The following DSC2 variants were observed in gnomAD, a reference collection of about 807,000 sequenced individuals.
DSC2 encodes desmocollin-2.
Under a neutral mutation model 87.6 loss-of-function variants are expected in DSC2, and 51 were observed. That is an observed-to-expected ratio of 0.58 (90% CI 0.46 to 0.74). The LOEUF (loss-of-function observed/expected upper bound fraction) is 0.74. Ranked by LOEUF, DSC2 falls within the 30% of genes least tolerant of loss-of-function variation. The pLI, the probability that DSC2 is intolerant of heterozygous loss-of-function variation, is 0.00. For synonymous variants in DSC2, 383 were observed against 393.2 expected, an observed-to-expected ratio of 0.97 and a Z score of 0.31; for missense variants, 1,066 against 1,089.5, an observed-to-expected ratio of 0.98 and a Z score of 0.30.
At chr18:31,088,869 A>C (rs2144836705) in intron 5 of DSC2, among the ~76,000 whole-genome samples, 1 of 152,194 alleles carries the variant, frequency 6.6e-6, no homozygotes, top group South Asian at 2.1e-4. Flanking sequence ...GTGCCAACTA[A>C]GTAACTGTTC....
chr18:31,087,699 T>G lies in DSC2; in HGVS notation c.745A>C (p.Thr249Pro), dbSNP rs149848359. The G allele has an allele frequency of 5.6e-6, 9 of 1,613,200 alleles. No homozygotes were observed. The highest frequency in any genetic ancestry group is 1.3e-5 in the African/African-American group (1 of 74,912). ...NYPIFTEETY[T>P]FTIFENCRVG... ...CTGCAATTTTCAAAAATTGTAAAAG[T>G]ATAAGTTTCTTCTGTAAAAATTGGG... Residue 249 changes from threonine to proline, a missense_variant, in exon 6 of 16, where the codon ACT becomes CCT. Thr to Pro is a conservative substitution (Grantham distance 38). Transcript: ENST00000280904.
At chr18:31,082,895 C>T (rs763421088) in intron 8 of DSC2, 31 bp downstream of exon 8, 5 of 1,609,718 alleles carry the variant, frequency 3.1e-6, no homozygotes, top group African/African-American at 1.3e-5. Flanking sequence ...CTGGTCTATA[C>T]ATTTTTCTTT....
intron 1 of DSC2, among the ~76,000 whole-genome samples, chr18:31,099,322 A>C (rs765547670): frequency 2.0e-5 from 3 of 152,154 alleles, no homozygotes; most frequent in Non-Finnish European, 4.4e-5. Flanking sequence ...AGAAGCAGAA[A>C]ATAGAATGGT....
rs768405529 is a variant in DSC2, at chr18:31,089,164, C to CA, written c.630+274dup. Among the ~76,000 whole-genome samples the CA allele has an allele frequency of 0.21, 21,091 of 102,724 alleles. 2,383 individuals carry two copies. Among genetic ancestry groups the CA allele is most frequent in the African/African-American group, 0.3 (7,349 of 24,430 alleles). The allele number at this position is 102,724 out of a possible 152,430, so 67.4% of individuals were successfully genotyped here. On this transcript the variant is annotated intron_variant, in intron 5 of 15. Coordinates refer to ENST00000280904, the MANE Select transcript of DSC2 (RefSeq NM_024422.6). ...TGGGTGGCAAAGTGAGATGCTGTCTCAAAAAAAAAAAAAAAAAAACTGTTC... is the reference window on the plus strand; with the variant it reads ...TGGGTGGCAAAGTGAGATGCTGTCTCAAAAAAAAAAAAAAAAAAAACTGTTC...
At position 31,101,935 on chromosome 18, in the gene DSC2, C is replaced by A; in HGVS notation, c.37G>T (p.Ala13Ser). The A allele has an allele frequency of 6.5e-7, 1 of 1,530,310 alleles. No individual in the cohort carries two copies. The highest frequency in any genetic ancestry group is 8.7e-7 in the Non-Finnish European group (1 of 1,143,896). The allele number at this position is 1,530,310 out of a possible 1,614,324, so 94.8% of individuals were successfully genotyped here. A position where few individuals can be genotyped will look rare whatever the true frequency, so the allele number is the denominator to read the frequency against. ...GTCAGCAGGAGCAGCCGGCAGAGGG[C>A]TCCGTTCCAGGAGCCGGAGGGGCGG... is the stretch of plus-strand genomic sequence containing the variant. ...AARPSGSWNG[A>S]LCRLLLLTLA... is the part of the protein sequence containing the mutation. Residue 13 changes from alanine to serine, a missense_variant, in exon 1 of 16, where the codon GCC (alanine) becomes TCC (serine). Transcript: ENST00000280904.
At chr18:31,086,448 C>A in intron 7 of DSC2, 128 bp downstream of exon 7, 2 of 1,145,138 alleles carry the variant, frequency 1.7e-6, no homozygotes, top group Non-Finnish European at 1.3e-6. Flanking sequence ...TCTCTATTAA[C>A]ATACATAAAA....
Position 31,093,578 on chromosome 18 carries a change from G to A in DSC2, c.135C>T (p.Ala45=), listed in dbSNP as rs749323567. ...VTLHVPSKLD[A]EKLVGRVNLK... ...CCTTACCTCTACCAACAAGTTTCTC[G>A]GCATCTAGTTTGGAGGGAACATGTA... is the stretch of plus-strand genomic sequence containing the variant. The change falls in exon 2 of 16, where the codon GCC becomes GCT. Residue 45 remains alanine (A), a synonymous_variant. Transcript: ENST00000280904. 156 of 1,604,980 alleles carry A rather than the reference G, an allele frequency of 9.7e-5. No individual in the cohort carries two copies. The highest frequency in any genetic ancestry group is 5.6e-4 in the East Asian group (25 of 44,522).
In DSC2 at chr18:31,065,695, A is replaced by ATT. The variant is rs1567969600; in HGVS notation, c.*2318_*2319dup. ...ACAGGGAGAATCTAAAATACACATAATTTTCATAGGGTGTTAGAATTAGTG... is the reference window on the plus strand; with the variant it reads ...ACAGGGAGAATCTAAAATACACATAATTTTTTCATAGGGTGTTAGAATTAGTG... On this transcript the variant is annotated 3_prime_UTR_variant, in exon 16 of 16. Transcript: ENST00000280904. 4 of 152,082 alleles carry ATT rather than the reference A, an allele frequency of 2.6e-5. No individual in the cohort carries two copies. 9.4% of individuals were successfully genotyped at this position (152,082 alleles called of 1,614,324 possible). A position where few individuals can be genotyped will look rare whatever the true frequency, so the allele number is the denominator to read the frequency against.
chr18:31,102,158 G>A lies in DSC2; in HGVS notation c.-187C>T, dbSNP rs562293556. 21 of 495,972 alleles carry A rather than the reference G, an allele frequency of 4.2e-5. No individual in the cohort carries two copies. Among genetic ancestry groups the A allele is most frequent in the Non-Finnish European group, 7.2e-5 (21 of 290,780 alleles). 30.7% of individuals were successfully genotyped at this position (495,972 alleles called of 1,614,324 possible). ...GAAGCGCCTGCCTCTCATCCAAGGG[G>A]CTTTTCCTTTGGCGGAGGGAGGGGC... On this transcript the variant is annotated 5_prime_UTR_variant, in exon 1 of 16. Coordinates refer to ENST00000280904, the MANE Select transcript of DSC2 (RefSeq NM_024422.6).
rs1987170615 is a variant in DSC2 at position 31,080,252 on chromosome 18, G to GT, written c.1363dup (p.Thr455AsnfsTer7). 1 of 1,614,050 alleles carries GT rather than the reference G, an allele frequency of 6.2e-7. No individual in the cohort carries two copies. Among genetic ancestry groups the GT allele is most frequent in the East Asian group, 2.2e-5 (1 of 44,858 alleles). On this transcript the variant is annotated frameshift_variant, in exon 10 of 16. Coordinates refer to ENST00000280904, the MANE Select transcript of DSC2 (RefSeq NM_024422.6). LOFTEE classifies it high-confidence loss of function. The stretch of plus-strand genomic sequence containing the variant: ...TTCTACATTAACAGTAACTGTTGCT[G>GT]TGCTCATGGCTGATCTTGGACTAGC...
chr18:31,070,677 T>C (rs777143396), intron 14 of DSC2, 49 bp downstream of exon 14: 2 of 1,610,586 alleles, frequency 1.2e-6, no homozygotes, highest in Non-Finnish European at 8.5e-7. Context: ...GAATACGCAT[T>C]ATAAGCGAAT....
chr18:31,101,221 C>T, intron 1 of DSC2: 2 of 985,350 alleles, frequency 2.0e-6, no homozygotes, highest in Non-Finnish European at 2.4e-6. Context: ...AAATGCTCAC[C>T]TAGGGCTCGC....
intron 4 of DSC2, among the ~76,000 whole-genome samples, chr18:31,090,188 A>G (rs1311793951): frequency 2.0e-5 from 3 of 152,216 alleles, no homozygotes; most frequent in Non-Finnish European, 4.4e-5. Context: ...TCATCCTCTC[A>G]GTAACATCCT....
intron 1 of DSC2, among the ~76,000 whole-genome samples, chr18:31,093,954 G>A (rs1987688643): frequency 6.6e-6 from 1 of 151,748 alleles, no homozygotes; most frequent in Non-Finnish European, 1.5e-5. Context: ...AATATATCAA[G>A]GAGAAGAATA....
rs537933692 is a variant in DSC2 at position 31,064,490 on chromosome 18, G to A, written c.*3525C>T. On this transcript the variant is annotated 3_prime_UTR_variant, in exon 16 of 16. Coordinates refer to ENST00000280904, the MANE Select transcript of DSC2 (RefSeq NM_024422.6). ...TTGGCAGTTTTTGGCAAAAAATAGA[G>A]GATGCTATGGAAAGAAGAGAGAGGA... The A allele has an allele frequency of 1.3e-5, 2 of 152,292 alleles. No individual in the cohort carries two copies. Among genetic ancestry groups the A allele is most frequent in the East Asian group, 3.9e-4 (2 of 5,174 alleles). The allele number at this position is 152,292 out of a possible 1,614,324, so 9.4% of individuals were successfully genotyped here. A position where few individuals can be genotyped will look rare whatever the true frequency, so the allele number is the denominator to read the frequency against.
Position 31,074,820 on chromosome 18 carries a change from A to T in DSC2, c.1751T>A (p.Ile584Asn). Residue 584 changes from isoleucine (I) to asparagine (N), a missense_variant, in exon 12 of 16, where the codon ATC becomes AAC. By Grantham distance (149) the Ile-to-Asn change is moderately radical (BLOSUM62 -3). Coordinates refer to ENST00000280904, the MANE Select transcript of DSC2 (RefSeq NM_024422.6). ...SPFIPKKTVI[I>N]CKPTMSSAEI... ...CGCAGATGACATGGTGGGTTTGCAG[A>T]TGATCACTGTCTTTTTAGGTATGAA... 6.2e-7 allele frequency: 1 copy of T among 1,614,008 alleles called. No individual in the cohort carries two copies. The highest frequency in any genetic ancestry group is 2.2e-5 in the East Asian group (1 of 44,824).
At position 31,064,989 on chromosome 18, in the gene DSC2, G is replaced by T. The variant is rs1205745524; in HGVS notation, c.*3026C>A. 3 of 152,316 alleles carry T rather than the reference G, an allele frequency of 2.0e-5. No homozygotes were observed. The East Asian group carries it at 5.8e-4, about 29-fold the overall frequency. 9.4% of individuals were successfully genotyped at this position (152,316 alleles called of 1,614,324 possible). On this transcript the variant is annotated 3_prime_UTR_variant, in exon 16 of 16. Transcript: ENST00000280904. Reference sequence around the variant, plus strand: ...AGGAGCCCCCAGACACACACTGCATGGAACAGAAGATCTTGCTGCTTTTCA... The same window carrying T: ...AGGAGCCCCCAGACACACACTGCATTGAACAGAAGATCTTGCTGCTTTTCA...
rs748657811 is a variant in DSC2 at position 31,086,658 on chromosome 18, T to G, written c.860A>C (p.Gln287Pro). The G allele has an allele frequency of 1.2e-6, 2 of 1,614,200 alleles. No homozygotes were observed. The highest frequency in any genetic ancestry group is 1.7e-6 in the Non-Finnish European group (2 of 1,180,020). ...AAATAGGGTGGGTGATGGTGGCACC[T>G]GCCCAATGATGGAGTACTTCAGGCG... ...HTRLKYSIIG[Q>P]VPPSPTLFSM... Residue 287 changes from glutamine (Q) to proline (P), a missense_variant, in exon 7 of 16, where the codon CAG becomes CCG. By Grantham distance (76) the Gln-to-Pro change is moderately conservative. Transcript: ENST00000280904.
chr18:31,074,008 A>G (rs1477754124), intron 12 of DSC2, among the ~76,000 whole-genome samples: 3 of 152,242 alleles, frequency 2.0e-5, no homozygotes, highest in Non-Finnish European at 2.9e-5. Flanking sequence ...GGAGGCCATC[A>G]GCACCTTCCG....
Sources: allele counts gnomAD v4.1 joint callset (sites outside exome capture counted in the v4.1 genomes callset), GRCh38; gene constraint gnomAD v4.1.1; transcripts MANE v1.5; gene names NCBI Gene and HGNC (gene_info 2026-07-23, HGNC 2026-07-21).